The following GBF1 variants were observed in gnomAD, a reference collection of about 807,000 sequenced individuals.
GBF1 encodes Golgi-specific brefeldin A-resistance guanine nucleotide exchange factor 1.
In GBF1, 114 loss-of-function variants were observed where a neutral mutation model predicts 210.5. The ratio of observed to expected loss-of-function variants is 0.54; its 90% confidence interval spans 0.47 to 0.63. The LOEUF is 0.63. Among genes scored for constraint, GBF1 ranks in the 30% least tolerant of loss-of-function variants. The pLI, the probability that GBF1 is intolerant of heterozygous loss-of-function variation, is 0.00. For missense variants in GBF1, 1,851 were observed against 2,357.7 expected (o/e 0.79, Z 4.45); for synonymous variants, 850 against 889.2 (o/e 0.96, Z 0.78).
chr10:102,276,979 C>T (rs1015338374), intron 3 of GBF1, among the ~76,000 whole-genome samples: 18 of 152,064 alleles, frequency 1.2e-4, no homozygotes, highest in African/African-American at 3.9e-4. Flanking sequence ...CACACACACA[C>T]ACACACACAC....
At chr10:102,261,022 C>T (rs1281408617) in intron 3 of GBF1, among the ~76,000 whole-genome samples, 3 of 151,940 alleles carry the variant, frequency 2.0e-5, no homozygotes, top group Non-Finnish European at 4.4e-5. Context: ...TTTATACAAC[C>T]CTGTGAGGGA....
chr10:102,357,988 G>GGATA lies in GBF1; in HGVS notation c.640-48_640-45dup. 2.4e-6 allele frequency: 3 copies of GGATA among 1,244,556 alleles called. No homozygotes were observed. In the East Asian group the frequency reaches 6.9e-5, roughly 29 times the overall value. The allele number at this position is 1,244,556 out of a possible 1,614,324, so 77.1% of individuals were successfully genotyped here. ...GGACTAAATGAAGGGAGATTAATAG[G>GGATA]GATAGAGTCTTAGTTTGAATACCAT... On this transcript the variant is annotated intron_variant, in intron 8 of 39. Coordinates refer to ENST00000369983, the MANE Select transcript of GBF1 (RefSeq NM_001377137.1).
intron 17 of GBF1, among the ~76,000 whole-genome samples, chr10:102,364,359 G>A (rs1315984824): frequency 6.6e-6 from 1 of 150,568 alleles, no homozygotes; most frequent in African/African-American, 2.4e-5. Context: ...CAAGTAGCTG[G>A]GACTACAGGC....
At chr10:102,381,072 C>G in intron 38 of GBF1, 55 bp from the exon 39 acceptor site, 1 of 1,573,384 alleles carries the variant, frequency 6.4e-7, no homozygotes. Context: ...AGCTAGGGCT[C>G]TGCTGGAGAG....
At chr10:102,364,836 G>A (rs1418035521) in intron 17 of GBF1, among the ~76,000 whole-genome samples, 5 of 151,646 alleles carry the variant, frequency 3.3e-5, no homozygotes, top group Non-Finnish European at 7.4e-5. Flanking sequence ...GCAACAGAGT[G>A]AAACTCCATC....
chr10:102,379,488 C>G, intron 34 of GBF1, 33 bp from the exon 35 acceptor site: 1 of 1,613,970 alleles, frequency 6.2e-7, no homozygotes, highest in Non-Finnish European at 8.5e-7. Context: ...GATCAAGATG[C>G]CTGAAGGATC....
At chr10:102,364,012 C>T (rs143084520) in intron 17 of GBF1, among the ~76,000 whole-genome samples, 179 of 152,128 alleles carry the variant, frequency 1.2e-3, no homozygotes, top group African/African-American at 3.9e-3. Flanking sequence ...TATGCCCCTG[C>T]GCAAATGCTG....
At chr10:102,317,748 T>C (rs2055957127) in intron 3 of GBF1, among the ~76,000 whole-genome samples, 2 of 152,232 alleles carry the variant, frequency 1.3e-5, no homozygotes, top group African/African-American at 4.8e-5. Context: ...ATGGGAATCA[T>C]ATTCTATACA....
intron 3 of GBF1, among the ~76,000 whole-genome samples, chr10:102,324,368 G>A (rs780150843): frequency 1.3e-5 from 2 of 152,212 alleles, no homozygotes; most frequent in Non-Finnish European, 2.9e-5. Context: ...CTTCTGTGTA[G>A]GGAATGCCAG....
chr10:102,342,853 T>C (rs1038298287), intron 3 of GBF1, among the ~76,000 whole-genome samples: 3 of 152,198 alleles, frequency 2.0e-5, no homozygotes, highest in Non-Finnish European at 4.4e-5. Context: ...AGGGAGTAAG[T>C]ACAGTGTAGT....
At chr10:102,377,953 C>T (rs1051652209) in intron 33 of GBF1, among the ~76,000 whole-genome samples, 1 of 152,120 alleles carries the variant, frequency 6.6e-6, no homozygotes, top group African/African-American at 2.4e-5. Flanking sequence ...GGCTTGGTGG[C>T]TCCTGCCTGT....
Position 102,376,253 on chromosome 10 carries a change from T to G in GBF1, c.3887-19T>G. ...CCCCATCCCCACCCTGACTCTGCCC[T>G]TCTCCCTGCCTACCATAGGGGCCCA... On this transcript the variant is annotated intron_variant, in intron 30 of 39. Transcript: ENST00000369983. 1 of 1,611,004 alleles carries G rather than the reference T, an allele frequency of 6.2e-7. No individual in the cohort carries two copies. The highest frequency in any genetic ancestry group is 1.1e-5 in the South Asian group (1 of 90,938).
At chr10:102,283,613 C>G (rs937995418) in intron 3 of GBF1, among the ~76,000 whole-genome samples, 4 of 152,110 alleles carry the variant, frequency 2.6e-5, no homozygotes, top group African/African-American at 9.7e-5. Flanking sequence ...GAGGATAGAC[C>G]TCATACTCTG....
At chr10:102,354,293 A>G (rs1043848899) in intron 8 of GBF1, among the ~76,000 whole-genome samples, 2 of 151,914 alleles carry the variant, frequency 1.3e-5, no homozygotes, top group Non-Finnish European at 2.9e-5. Context: ...ATCCATCCCC[A>G]TTCCTGCCCT....
At position 102,351,849 on chromosome 10, in the gene GBF1, C is replaced by A; in HGVS notation, c.421C>A (p.Arg141=). Residue 141 remains arginine, a synonymous_variant, in exon 6 of 40, where the codon CGG becomes AGG. Transcript: ENST00000369983. The part of the protein sequence containing the change: ...VVLMKILQVL[R]TLLLTPVGAH... ...TCCTTTTTCTTCCTGATAGGTTCTA[C>A]GGACTCTGCTGCTAACCCCAGTGGG... 2 of 1,572,438 alleles carry A rather than the reference C, an allele frequency of 1.3e-6. No individual in the cohort carries two copies. Among genetic ancestry groups the A allele is most frequent in the Non-Finnish European group, 1.8e-6 (2 of 1,142,012 alleles).
At chr10:102,255,073 C>G (rs2072148240) in intron 1 of GBF1, among the ~76,000 whole-genome samples, 1 of 152,100 alleles carries the variant, frequency 6.6e-6, no homozygotes. Context: ...CAGAGTCTCA[C>G]TCTGTTGCCC....
chr10:102,363,349 A>C lies in GBF1; in HGVS notation c.1970A>C (p.His657Pro). The C allele has an allele frequency of 1.2e-6, 2 of 1,614,032 alleles. No homozygotes were observed. The highest frequency in any genetic ancestry group is 1.7e-6 in the Non-Finnish European group (2 of 1,179,938). ...LPGGGRLPPEHGKSGCSDLEE... is the reference protein window; with the variant it reads ...LPGGGRLPPEPGKSGCSDLEE... Reference sequence around the variant, plus strand: ...GGTGGAGGGCGGCTGCCACCAGAACATGGGAAATCAGGATGCAGTGATCTG... The same window carrying C: ...GGTGGAGGGCGGCTGCCACCAGAACCTGGGAAATCAGGATGCAGTGATCTG... Residue 657 changes from histidine to proline, a missense_variant, in exon 16 of 40, where the codon CAT (histidine) becomes CCT (proline). Around this residue, in one of 3 missense-constraint regions of GBF1, gnomAD observed 804 missense variants for 958.6 expected, o/e 0.84. Transcript: ENST00000369983. The surrounding 1 kb of genome is among the most constrained non-coding windows in gnomAD (Gnocchi z 4.2).
chr10:102,358,564 C>G lies in GBF1; in HGVS notation c.846C>G (p.Ala282=), dbSNP rs1239833476. 1 of 1,614,006 alleles carries G rather than the reference C, an allele frequency of 6.2e-7. No individual in the cohort carries two copies. Among genetic ancestry groups the G allele is most frequent in the Non-Finnish European group, 8.5e-7 (1 of 1,179,962 alleles). The change falls in exon 10 of 40, where the codon GCC becomes GCG. Residue 282 remains alanine (A), a synonymous_variant. Transcript: ENST00000369983. ...TCTCCTCTGCAAGTTCAGAAGCTGCCTCAGCAGTGGTCAGTCCCTCTACAG... is the reference window on the plus strand; with the variant it reads ...TCTCCTCTGCAAGTTCAGAAGCTGCGTCAGCAGTGGTCAGTCCCTCTACAG... ...TPISSASSEA[A]SAVVSPSTDS...
chr10:102,361,228 C>A, intron 13 of GBF1, 108 bp downstream of exon 13: 1 of 720,746 alleles, frequency 1.4e-6, no homozygotes, highest in East Asian at 2.5e-5. Context: ...TTAGGGACTT[C>A]CTATAGGAGA....
Sources: allele counts gnomAD v4.1 joint callset (sites outside exome capture counted in the v4.1 genomes callset), GRCh38; gene constraint gnomAD v4.1.1; regional missense constraint gnomAD v4.1.1; non-coding constraint Gnocchi (gnomAD v3.1); transcripts MANE v1.5; gene names NCBI Gene and HGNC (gene_info 2026-07-23, HGNC 2026-07-21).